Variants in BCKDHB observed in about 807,000 individuals in gnomAD.
BCKDHB encodes 2-oxoisovalerate dehydrogenase subunit beta, mitochondrial.
In BCKDHB, 41 loss-of-function variants were observed where a neutral mutation model predicts 48.5. The observed-to-expected ratio is 0.85, with a 90% CI of 0.66 to 1.10. The LOEUF (loss-of-function observed/expected upper bound fraction) is 1.10, where lower values mean the gene tolerates loss of function less well. Among genes scored for constraint, BCKDHB ranks in the 50% least tolerant of loss-of-function variants. The pLI is 0.00. For missense variants in BCKDHB, 496 were observed against 494.2 expected, an observed-to-expected ratio of 1.00 and a Z score of -0.03; for synonymous variants, 201 against 174.8, an observed-to-expected ratio of 1.15 and a Z score of -1.18.
At chr6:80,334,830 CTG>C (rs1209873399) in intron 9 of BCKDHB, among the ~76,000 whole-genome samples, 10 of 151,652 alleles carry the variant, frequency 6.6e-5, no homozygotes, top group East Asian at 5.8e-4. Flanking sequence ...TAAAATAAAA[CTG>C]TTTTATCAAA....
chr6:80,325,307 T>C (rs1045341340), intron 9 of BCKDHB, among the ~76,000 whole-genome samples: 2 of 152,214 alleles, frequency 1.3e-5, no homozygotes, highest in African/African-American at 4.8e-5. Context: ...AATCTAGGAC[T>C]TCTATAATTA....
intron 8 of BCKDHB, among the ~76,000 whole-genome samples, chr6:80,261,771 C>CT (rs1054346921): frequency 4.5e-4 from 69 of 152,208 alleles, no homozygotes; most frequent in African/African-American, 1.7e-3. Flanking sequence ...TTGCTTAACA[C>CT]TTTCTTCTGG....
chr6:80,163,163 C>T (rs374089041), intron 3 of BCKDHB, among the ~76,000 whole-genome samples: 8 of 152,008 alleles, frequency 5.3e-5, no homozygotes, highest in Non-Finnish European at 8.8e-5. Flanking sequence ...AGTGATTCTC[C>T]GAAAGTGGTG....
chr6:80,200,340 CTGAT>C (rs1043853204), intron 6 of BCKDHB, among the ~76,000 whole-genome samples: 35 of 152,136 alleles, frequency 2.3e-4, no homozygotes, highest in African/African-American at 8.2e-4. Flanking sequence ...GTCAGTGACT[CTGAT>C]TGATGAAGTG....
At chr6:80,194,915 A>G (rs1363336455) in intron 6 of BCKDHB, among the ~76,000 whole-genome samples, 3 of 152,048 alleles carry the variant, frequency 2.0e-5, no homozygotes, top group Non-Finnish European at 4.4e-5. Context: ...TGTCATGCTT[A>G]TGGCTTGAAA....
intron 3 of BCKDHB, among the ~76,000 whole-genome samples, chr6:80,137,832 C>A (rs145202624): frequency 5.9e-5 from 9 of 152,066 alleles, no homozygotes; most frequent in Admixed American, 5.9e-4. Flanking sequence ...AGTTGTAATC[C>A]TAGTGCTTTG....
chr6:80,421,814 G>T, the BCKDHB span, among the ~76,000 whole-genome samples: 2 of 152,080 alleles, frequency 1.3e-5, no homozygotes, highest in Middle Eastern at 3.2e-3. Flanking sequence ...AAAAGTGTTT[G>T]GTCATATGCA....
the BCKDHB span, among the ~76,000 whole-genome samples, chr6:80,367,161 A>T: frequency 1.3e-5 from 2 of 152,186 alleles, no homozygotes; most frequent in African/African-American, 4.8e-5. Context: ...AAAAGCAAGA[A>T]AAATTACTGT....
chr6:80,292,888 G>A (rs565954777), intron 9 of BCKDHB, among the ~76,000 whole-genome samples: 45 of 152,272 alleles, frequency 3.0e-4, no homozygotes, highest in African/African-American at 1.0e-3. Context: ...GAAATCTAGC[G>A]AGGCAGTCAA....
intron 3 of BCKDHB, among the ~76,000 whole-genome samples, chr6:80,133,483 T>G (rs1265625429): frequency 6.6e-6 from 1 of 152,168 alleles, no homozygotes; most frequent in African/African-American, 2.4e-5. Flanking sequence ...CTCATCAACA[T>G]TGCATTCCAA....
chr6:80,229,711 A>G (rs1775827650), intron 8 of BCKDHB, among the ~76,000 whole-genome samples: 1 of 152,152 alleles, frequency 6.6e-6, no homozygotes, highest in Non-Finnish European at 1.5e-5. Context: ...TTTAGAATCA[A>G]TGAAATAATT....
intron 8 of BCKDHB, among the ~76,000 whole-genome samples, chr6:80,204,430 A>G (rs1471789681): frequency 6.6e-6 from 1 of 152,078 alleles, no homozygotes; most frequent in Admixed American, 6.6e-5. Context: ...TTTTGCAGGC[A>G]TTTTCAAATC....
the BCKDHB span, chr6:80,466,025 T>C: frequency 1.3e-5 from 2 of 152,178 alleles, no homozygotes; most frequent in African/African-American, 4.8e-5. Context: ...ATGAAATGTA[T>C]TAATTTGTCG....
At chr6:80,338,045 TCA>T (rs577505720) in intron 9 of BCKDHB, among the ~76,000 whole-genome samples, 250 of 152,294 alleles carry the variant, frequency 1.6e-3, no homozygotes, top group Non-Finnish European at 2.7e-3. Flanking sequence ...GAACTTTTCT[TCA>T]CAGTTTTCCA....
intron 8 of BCKDHB, among the ~76,000 whole-genome samples, chr6:80,261,840 C>T (rs1226379835): frequency 3.3e-5 from 5 of 152,086 alleles, no homozygotes; most frequent in Admixed American, 1.3e-4. Context: ...GGATAATTTT[C>T]AGCATTTTTT....
intron 6 of BCKDHB, among the ~76,000 whole-genome samples, chr6:80,174,737 T>C (rs1773073728): frequency 6.6e-6 from 1 of 152,158 alleles, no homozygotes; most frequent in African/African-American, 2.4e-5. Context: ...GCTTTGATGA[T>C]TCTATAGGGC....
intron 9 of BCKDHB, among the ~76,000 whole-genome samples, chr6:80,327,768 A>T (rs1414937061): frequency 6.6e-6 from 1 of 152,158 alleles, no homozygotes; most frequent in Non-Finnish European, 1.5e-5. Flanking sequence ...TGATCTCGCT[A>T]CTATGAAGTT....
chr6:80,216,587 C>A (rs1199852168), intron 8 of BCKDHB, among the ~76,000 whole-genome samples: 2 of 152,064 alleles, frequency 1.3e-5, no homozygotes, highest in South Asian at 4.1e-4. Flanking sequence ...CTCAAGTTTT[C>A]ATTTTGTTTA....
At chr6:80,376,493 C>A in the BCKDHB span, among the ~76,000 whole-genome samples, 1 of 152,178 alleles carries the variant, frequency 6.6e-6, no homozygotes, top group Non-Finnish European at 1.5e-5. Flanking sequence ...TCCCATGGAA[C>A]CTGCAATGGC....
Sources: allele counts gnomAD v4.1 joint callset (sites outside exome capture counted in the v4.1 genomes callset), GRCh38; gene constraint gnomAD v4.1.1; transcripts MANE v1.5; gene names NCBI Gene and HGNC (gene_info 2026-07-23, HGNC 2026-07-21).